The following MYO16 variants were observed in gnomAD, a reference collection of about 807,000 sequenced individuals.
MYO16 encodes myosin XVI.
MYO16 carries 94 observed loss-of-function variants against 205.3 expected under a neutral mutation model. The ratio of observed to expected loss-of-function variants is 0.46; its 90% CI spans 0.39 to 0.54. The LOEUF is 0.54. Ranked by LOEUF, MYO16 falls within the 20% of genes least tolerant of loss-of-function variation. The pLI is 0.00. For synonymous variants in MYO16, 988 were observed against 954.0 expected (o/e 1.04, Z -0.66); for missense variants, 2,315 against 2,387.5 (o/e 0.97, Z 0.63).
At chr13:109,136,473 G>A (rs1374505704) in intron 31 of MYO16, among the ~76,000 whole-genome samples, 2 of 152,198 alleles carry the variant, frequency 1.3e-5, no homozygotes, top group South Asian at 2.1e-4. Context: ...AAACTCAGAA[G>A]GTTCTTGTTC....
chr13:108,701,843 C>T (rs921155311), intron 2 of MYO16, among the ~76,000 whole-genome samples: 1 of 152,064 alleles, frequency 6.6e-6, no homozygotes, highest in Non-Finnish European at 1.5e-5. Flanking sequence ...AAAGTGGTAT[C>T]TCCCCACATA....
At chr13:109,080,951 G>A (rs185780419) in intron 27 of MYO16, among the ~76,000 whole-genome samples, 1 of 152,036 alleles carries the variant, frequency 6.6e-6, no homozygotes, top group Admixed American at 6.6e-5. Flanking sequence ...TTCAATTTCA[G>A]TGATCAGAGA....
intron 22 of MYO16, among the ~76,000 whole-genome samples, chr13:109,017,579 C>G (rs1885872199): frequency 6.6e-6 from 1 of 152,170 alleles, no homozygotes; most frequent in Non-Finnish European, 1.5e-5. Flanking sequence ...TTCCCTTCTC[C>G]CTGTCACTTT....
rs148503643 is a variant in MYO16, at chr13:108,736,202, T to G, written c.507+8619T>G. The stretch of plus-strand genomic sequence containing the variant: ...TGTTGCTGTTGCTTTTGATGTTTTA[T>G]ACATGAAGTCCTTGCCCATGCCTAT... On this transcript the variant is annotated intron_variant, in intron 4 of 34. Transcript: ENST00000457511. 8.2e-3 allele frequency among the ~76,000 whole-genome samples: 1,254 copies of G among 152,280 alleles called. 18 individuals carry two copies. Among genetic ancestry groups the G allele is most frequent in the African/African-American group, 0.027 (1,111 of 41,556 alleles).
intron 29 of MYO16, among the ~76,000 whole-genome samples, chr13:109,121,314 CT>C (rs987687689): frequency 4.6e-5 from 7 of 152,128 alleles, no homozygotes. Flanking sequence ...AAGGAGGTGT[CT>C]TCTGATGAAG....
intron 3 of MYO16, 124 bp from the exon 4 acceptor site, chr13:108,727,316 G>C: frequency 1.1e-6 from 1 of 922,530 alleles, no homozygotes; most frequent in Non-Finnish European, 1.6e-6. Flanking sequence ...TCTTTTCCCA[G>C]GTTAGCTTCA....
At chr13:108,899,447 A>G (rs772390376) in intron 15 of MYO16, among the ~76,000 whole-genome samples, 3 of 152,176 alleles carry the variant, frequency 2.0e-5, no homozygotes, top group Non-Finnish European at 4.4e-5. Flanking sequence ...GAAAGAAAGA[A>G]AAGATGCTTT....
rs552435117 is a variant in MYO16, at chr13:108,695,916, G to A, written c.293-16745G>A. On this transcript the variant is annotated intron_variant, in intron 2 of 34. Coordinates refer to ENST00000457511, the MANE Select transcript of MYO16 (RefSeq NM_001198950.3). ...GATTTTCTATGTTAACCACATAAAG[G>A]AGGAACAACCATATGCAACTGATGC... 7.1e-4 allele frequency among the ~76,000 whole-genome samples: 108 copies of A among 152,204 alleles called. 6 individuals carry two copies. Among genetic ancestry groups the A allele is most frequent in the Non-Finnish European group, 4.6e-4 (31 of 68,004 alleles).
chr13:108,881,086 G>A (rs988444323), intron 12 of MYO16, among the ~76,000 whole-genome samples: 15 of 152,174 alleles, frequency 9.9e-5, no homozygotes, highest in Non-Finnish European at 1.3e-4. Context: ...CCTCTGAGAC[G>A]AAGCTTCCAG....
intron 15 of MYO16, among the ~76,000 whole-genome samples, chr13:108,909,086 C>T (rs549615262): frequency 1.4e-4 from 21 of 151,928 alleles, no homozygotes; most frequent in African/African-American, 4.3e-4. Flanking sequence ...TTCAAATGCT[C>T]CAGAAACAAT....
At chr13:109,117,365 GCAAATATATA>G in intron 28 of MYO16, among the ~76,000 whole-genome samples, 1 of 132,578 alleles carries the variant, frequency 7.5e-6, no homozygotes, top group African/African-American at 3.3e-5. Flanking sequence ...TATATAATAT[GCAAATATATA>G]TAATATATGC....
intron 23 of MYO16, among the ~76,000 whole-genome samples, chr13:109,028,208 TTCTC>T (rs1886425802): frequency 1.3e-5 from 2 of 150,448 alleles, no homozygotes; most frequent in African/African-American, 4.9e-5. Flanking sequence ...ATTGAGATAT[TTCTC>T]TAACTATAGT....
intron 33 of MYO16, among the ~76,000 whole-genome samples, chr13:109,165,713 G>C (rs1341240688): frequency 6.6e-6 from 1 of 152,182 alleles, no homozygotes; most frequent in African/African-American, 2.4e-5. Flanking sequence ...TGGGGTGCAA[G>C]GTGAGCCGAA....
chr13:108,566,743 AAGGAAGGAAGGAAGGAAGG>A, the MYO16 span, among the ~76,000 whole-genome samples: 2 of 66,062 alleles, frequency 3.0e-5, no homozygotes, highest in African/African-American at 1.1e-4. Context: ...GGGAGGAAGG[AAGGAAGGAAGGAAGGAAGG>A]AAGGAAGGAA....
chr13:108,923,880 C>T (rs1383625276), intron 16 of MYO16, among the ~76,000 whole-genome samples: 1 of 152,076 alleles, frequency 6.6e-6, no homozygotes, highest in Non-Finnish European at 1.5e-5. Context: ...GCATTTTTTC[C>T]CAGCCAGCAT....
intron 32 of MYO16, among the ~76,000 whole-genome samples, chr13:109,153,749 ACT>A (rs1374346802): frequency 1.3e-5 from 2 of 151,802 alleles, no homozygotes; most frequent in Non-Finnish European, 2.9e-5. Context: ...ACAGGGCGAG[ACT>A]CTGTCTCAAA....
At position 109,140,767 on chromosome 13, in the gene MYO16, C is replaced by G. The variant is rs748278433; in HGVS notation, c.4555C>G (p.Pro1519Ala). ...CCGGCCGCCCCTGCTGGTGTTCCCCCCGACCCCCGTCACCTGCTCCCCCGC... is the reference window on the plus strand; with the variant it reads ...CCGGCCGCCCCTGCTGGTGTTCCCCGCGACCCCCGTCACCTGCTCCCCCGC... Reference protein sequence around the residue: ...PHRPPLLVFPPTPVTCSPASD... With the variant: ...PHRPPLLVFPATPVTCSPASD... The change falls in exon 32 of 35, where the codon CCG becomes GCG. Residue 1519 changes from proline to alanine, a missense_variant. Transcript: ENST00000457511. The surrounding 1 kb of genome is among the most constrained non-coding windows in gnomAD (Gnocchi z 8.0). The G allele has an allele frequency of 3.2e-6, 5 of 1,558,240 alleles. No individual in the cohort carries two copies. In the Admixed American group the frequency reaches 9.1e-5, roughly 28 times the overall value.
chr13:108,739,557 G>C (rs1007303537), intron 4 of MYO16, among the ~76,000 whole-genome samples: 8 of 152,106 alleles, frequency 5.3e-5, no homozygotes, highest in Admixed American at 6.6e-5. Flanking sequence ...TTTCTCTCTG[G>C]CTGCCCTTAA....
At chr13:108,970,299 G>A (rs1883960477) in intron 20 of MYO16, among the ~76,000 whole-genome samples, 1 of 152,132 alleles carries the variant, frequency 6.6e-6, no homozygotes, top group African/African-American at 2.4e-5. Flanking sequence ...ATGACTTGTG[G>A]TATAATGAAA....
Sources: gnomAD v4.1 joint callset for allele counts (sites outside exome capture counted in the v4.1 genomes callset) on GRCh38, gnomAD v4.1.1 for gene constraint, Gnocchi (gnomAD v3.1) non-coding constraint, MANE v1.5 for transcripts, NCBI Gene and HGNC (gene_info 2026-07-23, HGNC 2026-07-21) for gene names.